SOX6: variants seen among roughly 807,000 people sequenced by gnomAD.
SOX6 encodes the protein transcription factor SOX-6.
SOX6 carries 11 observed loss-of-function variants against 97.8 expected under a neutral mutation model. That is an observed-to-expected ratio of 0.11 (90% CI 0.07 to 0.19). The LOEUF is 0.19. Ranked by LOEUF, SOX6 falls within the 10% of genes least tolerant of loss-of-function variation. The pLI is 1.00. For missense variants in SOX6, 810 were observed against 1,039.5 expected (o/e 0.78, Z 3.04); for synonymous variants, 360 against 371.4 (o/e 0.97, Z 0.35).
intron 4 of SOX6, among the ~76,000 whole-genome samples, chr11:16,528,515 T>C (rs1338794442): frequency 6.6e-6 from 1 of 152,128 alleles, no homozygotes; most frequent in Non-Finnish European, 1.5e-5. Flanking sequence ...ACTCAGTTTT[T>C]CTCTGTCAAG....
At chr11:15,974,216 A>G (rs961316522) in intron 15 of SOX6, among the ~76,000 whole-genome samples, 2 of 152,018 alleles carry the variant, frequency 1.3e-5, no homozygotes, top group Admixed American at 6.6e-5. Context: ...TTTTGTACTC[A>G]TGACTTCAGG....
intron 4 of SOX6, among the ~76,000 whole-genome samples, chr11:16,576,512 T>C (rs1012007288): frequency 2.0e-5 from 3 of 152,198 alleles, no homozygotes; most frequent in South Asian, 2.1e-4. Flanking sequence ...AATGTTGTCA[T>C]TGTAATAAGA....
chr11:16,013,407 C>T (rs1397559366), intron 13 of SOX6, among the ~76,000 whole-genome samples: 2 of 152,006 alleles, frequency 1.3e-5, no homozygotes, highest in African/African-American at 4.8e-5. Context: ...GGATGGTTAA[C>T]TGTGCAAGTA....
intron 12 of SOX6, among the ~76,000 whole-genome samples, chr11:16,043,493 T>C (rs775077045): frequency 6.6e-6 from 1 of 152,158 alleles, no homozygotes. Flanking sequence ...ATCAAGTCAA[T>C]AATGTTTCAT....
chr11:16,093,274 A>G (rs1848729779), intron 9 of SOX6, among the ~76,000 whole-genome samples: 3 of 151,654 alleles, frequency 2.0e-5, no homozygotes, highest in Admixed American at 2.0e-4. Flanking sequence ...TAAAAATAGC[A>G]CTCTTTGGCC....
chr11:16,301,676 T>C (rs1300709656), intron 3 of SOX6, among the ~76,000 whole-genome samples: 1 of 152,170 alleles, frequency 6.6e-6, no homozygotes, highest in Non-Finnish European at 1.5e-5. Context: ...CCTTATTTTA[T>C]ATGAATAGAA....
chr11:16,688,826 A>G (rs999786714), intron 3 of SOX6, among the ~76,000 whole-genome samples: 2 of 152,170 alleles, frequency 1.3e-5, no homozygotes, highest in African/African-American at 4.8e-5. Context: ...TGTAAATTTT[A>G]CCTTGATGGG....
chr11:16,463,215 T>C (rs1241580708), intron 1 of SOX6, among the ~76,000 whole-genome samples: 1 of 152,248 alleles, frequency 6.6e-6, no homozygotes, highest in Non-Finnish European at 1.5e-5. Flanking sequence ...TGCCTTTTTC[T>C]TCCTTTCATT....
intron 2 of SOX6, among the ~76,000 whole-genome samples, chr11:16,733,588 G>A (rs1242885614): frequency 1.4e-5 from 2 of 142,314 alleles, no homozygotes; most frequent in African/African-American, 5.3e-5. Context: ...GGGGTGGGGG[G>A]CTAGGGGAGG....
chr11:16,482,722 T>G (rs1860364277), intron 4 of SOX6, among the ~76,000 whole-genome samples: 1 of 152,218 alleles, frequency 6.6e-6, no homozygotes, highest in African/African-American at 2.4e-5. Flanking sequence ...TAAGTGATTT[T>G]CCTCAAGATA....
chr11:16,664,643 T>C (rs569016417), intron 3 of SOX6, among the ~76,000 whole-genome samples: 9 of 152,220 alleles, frequency 5.9e-5, no homozygotes, highest in Admixed American at 3.9e-4. Flanking sequence ...TTCCTGGGCA[T>C]GTCCTGGTGC....
chr11:16,039,959 C>A (rs1290048205), intron 12 of SOX6, among the ~76,000 whole-genome samples: 1 of 151,768 alleles, frequency 6.6e-6, no homozygotes. Context: ...GAGATTAGAT[C>A]TAGAAGGATT....
At chr11:16,701,572 C>T (rs1033020892) in intron 3 of SOX6, among the ~76,000 whole-genome samples, 1 of 151,994 alleles carries the variant, frequency 6.6e-6, no homozygotes, top group South Asian at 2.1e-4. Flanking sequence ...CCTAATTCCA[C>T]TATTAAAAGG....
At chr11:16,359,474 A>C (rs928500306), upstream of SOX6, among the ~76,000 whole-genome samples, 15 of 152,102 alleles carry the variant, frequency 9.9e-5, no homozygotes, top group African/African-American at 2.9e-4. Flanking sequence ...TATGAAAAAA[A>C]AATCTCCAGT....
At chr11:16,561,723 A>G (rs887806371) in intron 4 of SOX6, among the ~76,000 whole-genome samples, 1 of 152,044 alleles carries the variant, frequency 6.6e-6, no homozygotes, top group Non-Finnish European at 1.5e-5. Context: ...CAATAAGGAT[A>G]ATAATGTTAT....
intron 3 of SOX6, among the ~76,000 whole-genome samples, chr11:16,655,437 G>A (rs931304363): frequency 2.0e-5 from 3 of 152,190 alleles, no homozygotes; most frequent in Admixed American, 1.3e-4. Flanking sequence ...AACACGAAAG[G>A]TGACATAAAG....
intron 7 of SOX6, 38 bp from the exon 8 acceptor site, chr11:16,097,726 C>A: frequency 6.4e-7 from 1 of 1,559,342 alleles, no homozygotes; most frequent in South Asian, 1.1e-5. Flanking sequence ...TTAGACAATG[C>A]ACAGGGAATT....
intron 9 of SOX6, 137 bp downstream of exon 9, chr11:16,095,859 G>A: frequency 1.9e-6 from 2 of 1,037,314 alleles, no homozygotes; most frequent in Non-Finnish European, 2.8e-6. Context: ...GCCTCCTTAG[G>A]AATGAGAAAA....
chr11:16,302,626 A>G (rs1018938623), intron 3 of SOX6, among the ~76,000 whole-genome samples: 9 of 125,734 alleles, frequency 7.2e-5, no homozygotes, highest in African/African-American at 2.5e-4. Flanking sequence ...GCTGGAGTGC[A>G]GTGCACGATC....
Sources: gnomAD v4.1 joint callset for allele counts (sites outside exome capture counted in the v4.1 genomes callset) on GRCh38, gnomAD v4.1.1 for gene constraint, MANE v1.5 for transcripts, NCBI Gene and HGNC (gene_info 2026-07-23, HGNC 2026-07-21) for gene names.